The following PLD5 variants were observed in gnomAD, a reference collection of about 807,000 sequenced individuals.
PLD5 encodes phospholipase D family member 5.
Under a neutral mutation model 61.1 loss-of-function variants are expected in PLD5, and 36 were observed. The observed-to-expected ratio is 0.59, with a 90% CI of 0.45 to 0.78. PLD5 has a LOEUF of 0.78. Ranked by LOEUF, PLD5 falls within the 30% of genes least tolerant of loss-of-function variation. The probability of loss-of-function intolerance (pLI) is 0.00; values close to 1 mark genes in which losing one functional copy is unlikely to be tolerated. For synonymous variants in PLD5, 243 were observed against 242.8 expected (o/e 1.00, Z -0.01); for missense variants, 515 against 644.4 (o/e 0.80, Z 2.17).
chr1:242,342,891 CACTATCAGT>C (rs527309725), intron 2 of PLD5, among the ~76,000 whole-genome samples: 68 of 152,106 alleles, frequency 4.5e-4, no homozygotes, highest in African/African-American at 1.3e-3. Flanking sequence ...TAAAATTATC[CACTATCAGT>C]ACAGTAATCT....
intron 6 of PLD5, 28 bp downstream of exon 6, chr1:242,124,440 A>AG: frequency 3.1e-6 from 5 of 1,595,096 alleles, no homozygotes; most frequent in Middle Eastern, 1.7e-4. Context: ...AAGAAGGAGA[A>AG]GGGGAGGAGA....
intron 1 of PLD5, among the ~76,000 whole-genome samples, chr1:242,448,479 A>G (rs1176497013): frequency 2.6e-5 from 4 of 152,214 alleles, no homozygotes; most frequent in African/African-American, 9.7e-5. Context: ...TCTCAATGAT[A>G]TGTAATCCTA....
intron 2 of PLD5, among the ~76,000 whole-genome samples, chr1:242,346,047 T>TG (rs57242541): frequency 0.99 from 104,381 of 105,346 alleles, 51,751 homozygotes; most frequent in South Asian, 1. Context: ...ATATATCATA[T>TG]TTATATCACA....
chr1:242,206,368 T>C (rs1206330848), intron 5 of PLD5, among the ~76,000 whole-genome samples: 1 of 152,184 alleles, frequency 6.6e-6, no homozygotes, highest in Non-Finnish European at 1.5e-5. Context: ...TACTTCCAGA[T>C]CTCATAGTCA....
chr1:242,197,169 C>G (rs541280388), intron 5 of PLD5, among the ~76,000 whole-genome samples: 20 of 152,212 alleles, frequency 1.3e-4, no homozygotes, highest in Non-Finnish European at 1.6e-4. Context: ...CTCAGCCAGC[C>G]CAGGAGGGAC....
chr1:242,521,670 T>C (rs1346440848), intron 1 of PLD5, among the ~76,000 whole-genome samples: 4 of 152,180 alleles, frequency 2.6e-5, no homozygotes, highest in African/African-American at 9.7e-5. Flanking sequence ...TCCATTTGAT[T>C]AGACAGACCA....
At chr1:242,331,588 C>T (rs763350265) in intron 2 of PLD5, among the ~76,000 whole-genome samples, 3 of 152,122 alleles carry the variant, frequency 2.0e-5, no homozygotes, top group Non-Finnish European at 4.4e-5. Flanking sequence ...AACATAATTG[C>T]TAATGCCTGA....
intron 2 of PLD5, among the ~76,000 whole-genome samples, chr1:242,293,918 T>C (rs1675510202): frequency 6.6e-6 from 1 of 152,198 alleles, no homozygotes; most frequent in South Asian, 2.1e-4. Flanking sequence ...ACCTATAGTT[T>C]TATTTCTTTT....
intron 2 of PLD5, among the ~76,000 whole-genome samples, chr1:242,321,598 C>T (rs995742416): frequency 1.3e-5 from 2 of 152,128 alleles, no homozygotes; most frequent in Admixed American, 6.5e-5. Flanking sequence ...AGCCACCACG[C>T]CCGGCCCCAT....
At chr1:242,150,562 C>T (rs1664855613) in intron 5 of PLD5, among the ~76,000 whole-genome samples, 1 of 151,684 alleles carries the variant, frequency 6.6e-6, no homozygotes, top group South Asian at 2.1e-4. Context: ...TAATGTTGCT[C>T]TTTATTTCTG....
intron 1 of PLD5, among the ~76,000 whole-genome samples, chr1:242,421,450 G>A (rs1053711804): frequency 2.6e-5 from 4 of 152,162 alleles, no homozygotes; most frequent in African/African-American, 7.2e-5. Flanking sequence ...AGGTCAATCT[G>A]AACCTTGTAA....
intron 5 of PLD5, among the ~76,000 whole-genome samples, chr1:242,180,912 G>C (rs956255855): frequency 6.6e-6 from 1 of 152,140 alleles, no homozygotes; most frequent in African/African-American, 2.4e-5. Flanking sequence ...GAGCCCAGGA[G>C]GTCAAGGCTG....
chr1:242,213,758 C>A (rs559186567), intron 5 of PLD5, among the ~76,000 whole-genome samples: 130 of 150,760 alleles, frequency 8.6e-4, no homozygotes, highest in Non-Finnish European at 1.6e-3. Context: ...CTAGATTGCA[C>A]AGACACCCAT....
intron 1 of PLD5, among the ~76,000 whole-genome samples, chr1:242,403,364 G>A (rs540410571): frequency 4.6e-5 from 7 of 152,240 alleles, no homozygotes; most frequent in South Asian, 4.1e-4. Context: ...GCACACAGGC[G>A]CAAGCCAGAA....
intron 5 of PLD5, among the ~76,000 whole-genome samples, chr1:242,216,200 G>A (rs1032392934): frequency 2.7e-4 from 41 of 151,962 alleles, no homozygotes; most frequent in African/African-American, 7.3e-4. Flanking sequence ...AGCAATGACC[G>A]CCTTGCCCGA....
At chr1:242,332,063 T>A (rs1014540395) in intron 2 of PLD5, among the ~76,000 whole-genome samples, 1 of 150,246 alleles carries the variant, frequency 6.7e-6, no homozygotes, top group Non-Finnish European at 1.5e-5. Flanking sequence ...CAGACCCCAG[T>A]GTGTGATGTT....
In PLD5 at chr1:242,517,968, A is replaced by G. The variant is rs187418973; in HGVS notation, c.189+6120T>C. Among the ~76,000 whole-genome samples, 74 of 152,260 alleles carry G rather than the reference A, an allele frequency of 4.9e-4. 1 individual carries two copies. The highest frequency in any genetic ancestry group is 1.9e-4 in the East Asian group (1 of 5,186). On this transcript the variant is annotated intron_variant, in intron 1 of 9. Transcript: ENST00000536534. ...TTATTGCTGGATCAGACCTAACAAC[A>G]TACTGGCAGGAGCACAGTAATAGCT...
chr1:242,397,084 C>T (rs1438224971), intron 1 of PLD5, among the ~76,000 whole-genome samples: 1 of 151,916 alleles, frequency 6.6e-6, no homozygotes, highest in African/African-American at 2.4e-5. Flanking sequence ...AGCCTTTGGA[C>T]CTCTTCTTTT....
chr1:242,329,400 G>A (rs1427645011), intron 2 of PLD5, among the ~76,000 whole-genome samples: 2 of 152,034 alleles, frequency 1.3e-5, no homozygotes, highest in East Asian at 3.9e-4. Flanking sequence ...TTCCTGGGGG[G>A]CTATGTTCTT....
Sources: allele counts gnomAD v4.1 joint callset (sites outside exome capture counted in the v4.1 genomes callset), GRCh38; gene constraint gnomAD v4.1.1; transcripts MANE v1.5; gene names NCBI Gene and HGNC (gene_info 2026-07-23, HGNC 2026-07-21).